RABGAP1L: variants seen among roughly 807,000 people sequenced by gnomAD.
RABGAP1L encodes the protein RAB GTPase activating protein 1 like.
A neutral mutation model predicts 137.7 loss-of-function variants in RABGAP1L; 63 were observed. The observed-to-expected ratio is 0.46, with a 90% confidence interval of 0.37 to 0.56. The LOEUF is 0.56. Among genes scored for constraint, RABGAP1L ranks in the 20% least tolerant of loss-of-function variants. The probability of loss-of-function intolerance (pLI) is 0.00; values close to 1 mark genes in which losing one functional copy is unlikely to be tolerated. For missense variants in RABGAP1L, 1,095 were observed against 1,244.0 expected, an observed-to-expected ratio of 0.88 and a Z score of 1.80; for synonymous variants, 431 against 433.7, an observed-to-expected ratio of 0.99 and a Z score of 0.08.
chr1:174,784,626 A>T (rs1162992207), intron 18 of RABGAP1L, among the ~76,000 whole-genome samples: 2 of 152,212 alleles, frequency 1.3e-5, no homozygotes, highest in Non-Finnish European at 2.9e-5. Context: ...GCCATCAAGC[A>T]AGACTGGCCT....
At chr1:174,289,858 G>A (rs979189198) in intron 10 of RABGAP1L, among the ~76,000 whole-genome samples, 3 of 152,206 alleles carry the variant, frequency 2.0e-5, no homozygotes, top group Admixed American at 6.5e-5. Flanking sequence ...GCTGCAGGCT[G>A]TGCCCCAAAG....
intron 13 of RABGAP1L, among the ~76,000 whole-genome samples, chr1:174,503,369 T>A (rs1372180973): frequency 6.6e-6 from 1 of 151,966 alleles, no homozygotes; most frequent in African/African-American, 2.4e-5. Context: ...CATTTAGAAA[T>A]ATACATGTAA....
intron 7 of RABGAP1L, among the ~76,000 whole-genome samples, chr1:174,265,498 T>G (rs926603663): frequency 6.7e-6 from 1 of 150,164 alleles, no homozygotes; most frequent in Admixed American, 6.7e-5. Context: ...GAGCTGAGAT[T>G]GTGCCACTGC....
chr1:174,233,197 C>G (rs919823662), intron 4 of RABGAP1L, among the ~76,000 whole-genome samples: 8 of 152,114 alleles, frequency 5.3e-5, no homozygotes, highest in African/African-American at 1.7e-4. Context: ...TCCCTTCTCT[C>G]TCTTCATTCA....
Position 174,447,152 on chromosome 1 carries a change from A to G in RABGAP1L, c.1710+53007A>G, listed in dbSNP as rs545456448. 7.2e-5 allele frequency among the ~76,000 whole-genome samples: 11 copies of G among 152,348 alleles called. No homozygotes were observed. In the South Asian group the frequency reaches 1.7e-3, roughly 23 times the overall value. ...TAATTCATTTTGAAAAGGAAGAGGTATAAGTTACGTTGCTGTTAGTACCAC... is the reference window on the plus strand; with the variant it reads ...TAATTCATTTTGAAAAGGAAGAGGTGTAAGTTACGTTGCTGTTAGTACCAC... On this transcript the variant is annotated intron_variant, in intron 13 of 25. Coordinates refer to ENST00000681986, the MANE Select transcript of RABGAP1L (RefSeq NM_001366446.1).
intron 13 of RABGAP1L, among the ~76,000 whole-genome samples, chr1:174,440,392 A>C (rs1653983694): frequency 6.6e-6 from 1 of 152,224 alleles, no homozygotes; most frequent in African/African-American, 2.4e-5. Flanking sequence ...ATTGGAAGCC[A>C]CTACAGGTGT....
chr1:174,367,236 A>G (rs1684716559), intron 11 of RABGAP1L: 1 of 152,448 alleles, frequency 6.6e-6, no homozygotes. Context: ...TTGTAGGGGA[A>G]CACCCGTTGG....
At chr1:174,266,455 A>G (rs1674082119) in intron 7 of RABGAP1L, among the ~76,000 whole-genome samples, 1 of 152,214 alleles carries the variant, frequency 6.6e-6, no homozygotes, top group South Asian at 2.1e-4. Flanking sequence ...ATGTGTGTAT[A>G]TACAGGCAGT....
chr1:174,786,509 T>C (rs2148783230), intron 18 of RABGAP1L, among the ~76,000 whole-genome samples: 1 of 152,338 alleles, frequency 6.6e-6, no homozygotes, highest in East Asian at 1.9e-4. Flanking sequence ...GTAAAGCATA[T>C]GGGTTTGTTC....
chr1:174,466,998 A>G (rs1464682810), intron 13 of RABGAP1L, among the ~76,000 whole-genome samples: 4 of 152,180 alleles, frequency 2.6e-5, no homozygotes, highest in African/African-American at 7.2e-5. Flanking sequence ...GGCATATAGA[A>G]AAGTCCAATA....
chr1:174,437,545 G>A (rs924146180), intron 13 of RABGAP1L, among the ~76,000 whole-genome samples: 18 of 152,282 alleles, frequency 1.2e-4, no homozygotes, highest in Non-Finnish European at 2.9e-5. Context: ...AATGAACAAA[G>A]CCTCCAAGAA....
At chr1:174,438,696 A>G (rs1653730754) in intron 13 of RABGAP1L, among the ~76,000 whole-genome samples, 1 of 146,666 alleles carries the variant, frequency 6.8e-6, no homozygotes, top group Admixed American at 6.8e-5. Flanking sequence ...CCAGCCTGGG[A>G]GACACAGCAA....
intron 1 of RABGAP1L, among the ~76,000 whole-genome samples, chr1:174,182,381 C>G (rs1241769272): frequency 6.6e-6 from 1 of 152,136 alleles, no homozygotes; most frequent in Non-Finnish European, 1.5e-5. Context: ...ATTTCTAAGT[C>G]GAAATGGTTC....
rs1051915151 is a variant in RABGAP1L at position 174,791,785 on chromosome 1, C to T, written c.2212-20047C>T. Among the ~76,000 whole-genome samples the T allele has an allele frequency of 3.3e-5, 5 of 152,180 alleles. 1 individual carries two copies. Among genetic ancestry groups the T allele is most frequent in the South Asian group, 4.1e-4 (2 of 4,828 alleles). On this transcript the variant is annotated intron_variant, in intron 18 of 25. Coordinates refer to ENST00000681986, the MANE Select transcript of RABGAP1L (RefSeq NM_001366446.1). ...TGGCTGAGCTGCCAAGGATGTAGCT[C>T]CTTGAACTGTTCATCTGGAAAAGAA...
At chr1:174,724,905 G>A (rs187786178) in intron 17 of RABGAP1L, among the ~76,000 whole-genome samples, 31 of 152,282 alleles carry the variant, frequency 2.0e-4, no homozygotes, top group Middle Eastern at 6.8e-3. Context: ...GAGAAATCAC[G>A]GTGATGAGTA....
At chr1:174,213,708 C>T (rs1428150169) in intron 1 of RABGAP1L, among the ~76,000 whole-genome samples, 2 of 152,090 alleles carry the variant, frequency 1.3e-5, no homozygotes, top group African/African-American at 2.4e-5. Flanking sequence ...ATCATATCAA[C>T]AGAATTAAGG....
chr1:174,839,332 C>G (rs1324462096), intron 19 of RABGAP1L, among the ~76,000 whole-genome samples: 1 of 152,160 alleles, frequency 6.6e-6, no homozygotes, highest in Admixed American at 6.5e-5. Flanking sequence ...TTACCCCTCT[C>G]ACATGCACAT....
Position 174,889,658 on chromosome 1 carries a change from T to C in RABGAP1L, c.2341-67799T>C, listed in dbSNP as rs146654132. Among the ~76,000 whole-genome samples the C allele has an allele frequency of 2.7e-3, 412 of 152,164 alleles. 4 individuals carry two copies. The highest frequency in any genetic ancestry group is 8.1e-3 in the African/African-American group (338 of 41,504). ...GTTGCTTAGGTTGGTCTTGAACTTC[T>C]GGCTTCAAGCAATCCTCCCACCTCA... On this transcript the variant is annotated intron_variant, in intron 19 of 25. Coordinates refer to ENST00000681986, the MANE Select transcript of RABGAP1L (RefSeq NM_001366446.1).
At chr1:174,313,407 A>G (rs1283058380) in intron 11 of RABGAP1L, among the ~76,000 whole-genome samples, 1 of 152,224 alleles carries the variant, frequency 6.6e-6, no homozygotes, top group Non-Finnish European at 1.5e-5. Context: ...TGTCATCTGC[A>G]AAAAAGGATA....
Sources: allele counts gnomAD v4.1 joint callset (sites outside exome capture counted in the v4.1 genomes callset), GRCh38; gene constraint gnomAD v4.1.1; transcripts MANE v1.5; gene names NCBI Gene and HGNC (gene_info 2026-07-23, HGNC 2026-07-21).